Variants in PAPPA observed in about 807,000 individuals in gnomAD.
PAPPA encodes the protein pappalysin-1.
A neutral mutation model predicts 164.0 loss-of-function variants in PAPPA; 60 were observed. The observed-to-expected ratio is 0.37, with a 90% confidence interval of 0.30 to 0.45. The LOEUF (loss-of-function observed/expected upper bound fraction) is 0.45. PAPPA is among the 20% of genes least tolerant of loss of function. PAPPA has a pLI of 1.00. For synonymous variants in PAPPA, 875 were observed against 814.1 expected, an observed-to-expected ratio of 1.07 and a Z score of -1.27; for missense variants, 1,782 against 2,087.3, an observed-to-expected ratio of 0.85 and a Z score of 2.85.
At chr9:116,256,177 C>T (rs1844925446) in intron 7 of PAPPA, among the ~76,000 whole-genome samples, 1 of 151,826 alleles carries the variant, frequency 6.6e-6, no homozygotes, top group Non-Finnish European at 1.5e-5. Flanking sequence ...AACAAGGCAT[C>T]AAAATAAGGG....
chr9:116,395,363 A>C (rs1408234459), intron 21 of PAPPA, among the ~76,000 whole-genome samples: 1 of 152,214 alleles, frequency 6.6e-6, no homozygotes, highest in Non-Finnish European at 1.5e-5. Flanking sequence ...AGTACATGAG[A>C]GAGAAGGATA....
chr9:116,165,346 C>G (rs567184633), intron 1 of PAPPA, among the ~76,000 whole-genome samples: 1 of 152,306 alleles, frequency 6.6e-6, no homozygotes, highest in Admixed American at 6.5e-5. Context: ...CTCCACACTT[C>G]CGAAACAATC....
chr9:116,171,706 A>T lies in PAPPA; in HGVS notation c.416-15448A>T, dbSNP rs545805034. Among the ~76,000 whole-genome samples, 3 of 152,144 alleles carry T rather than the reference A, an allele frequency of 2.0e-5. No individual in the cohort carries two copies. The South Asian group carries it at 6.2e-4, about 32-fold the overall frequency. On this transcript the variant is annotated intron_variant, in intron 1 of 21. Coordinates refer to ENST00000328252, the MANE Select transcript of PAPPA (RefSeq NM_002581.5). ...CCTTTCCATCCTTCCGTCTGTCCTC[A>T]TGTCTGACTTTCTCTGTCTCCTTCC... is the stretch of plus-strand genomic sequence containing the variant.
intron 9 of PAPPA, among the ~76,000 whole-genome samples, chr9:116,281,313 C>T (rs887348130): frequency 3.9e-5 from 6 of 152,018 alleles, no homozygotes; most frequent in Admixed American, 2.6e-4. Context: ...AGAGACAGCG[C>T]GAGGAGTTAG....
chr9:116,234,691 A>C (rs1844638359), intron 6 of PAPPA, among the ~76,000 whole-genome samples: 1 of 152,224 alleles, frequency 6.6e-6, no homozygotes. Flanking sequence ...GCTGGCTTTT[A>C]CACTTCAAGT....
intron 1 of PAPPA, among the ~76,000 whole-genome samples, chr9:116,176,230 T>A (rs1217716456): frequency 6.6e-6 from 1 of 152,222 alleles, no homozygotes; most frequent in Admixed American, 6.5e-5. Flanking sequence ...GTCTACACAC[T>A]CAGAGATAGA....
chr9:116,162,315 G>A (rs1843677822), intron 1 of PAPPA, among the ~76,000 whole-genome samples: 1 of 152,146 alleles, frequency 6.6e-6, no homozygotes, highest in African/African-American at 2.4e-5. Context: ...CAGAAGTATT[G>A]TGACGATACA....
intron 2 of PAPPA, among the ~76,000 whole-genome samples, chr9:116,190,722 C>T (rs1308009192): frequency 2.0e-5 from 3 of 152,228 alleles, no homozygotes; most frequent in Non-Finnish European, 4.4e-5. Context: ...AGACACCTCA[C>T]AATCAGCAGA....
chr9:116,380,365 T>C (rs1159456582), intron 20 of PAPPA, among the ~76,000 whole-genome samples: 1 of 152,084 alleles, frequency 6.6e-6, no homozygotes, highest in Admixed American at 6.6e-5. Context: ...AAAGAACATA[T>C]AGGGTAGAGT....
chr9:116,369,269 C>A (rs1312620017), intron 19 of PAPPA, among the ~76,000 whole-genome samples: 1 of 152,134 alleles, frequency 6.6e-6, no homozygotes, highest in African/African-American at 2.4e-5. Context: ...TGCACAGATT[C>A]CCCCGAGTGC....
At chr9:116,266,231 C>A (rs140901253) in intron 8 of PAPPA, among the ~76,000 whole-genome samples, 1 of 152,126 alleles carries the variant, frequency 6.6e-6, no homozygotes, top group Admixed American at 6.5e-5. Flanking sequence ...ACAGAACTAC[C>A]CTTATGTACC....
intron 1 of PAPPA, among the ~76,000 whole-genome samples, chr9:116,172,882 T>C (rs1843789688): frequency 6.6e-6 from 1 of 152,196 alleles, no homozygotes; most frequent in Admixed American, 6.5e-5. Context: ...GTACTATGCA[T>C]TCCACGATGT....
At chr9:116,324,656 G>C (rs1055777565) in intron 10 of PAPPA, among the ~76,000 whole-genome samples, 1 of 152,176 alleles carries the variant, frequency 6.6e-6, no homozygotes, top group African/African-American at 2.4e-5. Context: ...TTCTGCCTGG[G>C]GAGTGAGTAA....
In PAPPA at chr9:116,235,425, C is replaced by G; in HGVS notation, c.2520C>G (p.Thr840=). 6.2e-7 allele frequency: 1 copy of G among 1,613,692 alleles called. No homozygotes were observed. The highest frequency in any genetic ancestry group is 1.3e-5 in the African/African-American group (1 of 74,982). The change falls in exon 7 of 22, where the codon ACC becomes ACG. Residue 840 remains threonine, a synonymous_variant. Transcript: ENST00000328252. ...PQNVFCDVPL[T]IRLWDVGEEV... is the part of the protein sequence containing the mutation. ...ATGTCTTCTGTGATGTCCCACTGAC[C>G]ATCAGACTCTGGGACGTGGGCGAGG...
intron 9 of PAPPA, among the ~76,000 whole-genome samples, chr9:116,289,067 T>A (rs1845381002): frequency 6.7e-6 from 1 of 149,536 alleles, no homozygotes; most frequent in Admixed American, 6.7e-5. Flanking sequence ...ATGCATGCCC[T>A]ATCAGAATGA....
Position 116,220,066 on chromosome 9 carries a change from G to C in PAPPA, c.2048G>C (p.Gly683Ala). ...GTTGCCCTCGCCCCCCAAGTTCTGG[G>C]CCACACAACGGACTCTGTGACACTG... The part of the protein sequence containing the change: ...APVALAPQVL[G>A]HTTDSVTLEW... The change falls in exon 5 of 22, where the codon GGC becomes GCC. Residue 683 changes from glycine to alanine, a missense_variant. Physicochemically the swap from Gly to Ala is moderately conservative, Grantham distance 60. Transcript: ENST00000328252. The C allele has an allele frequency of 6.2e-7, 1 of 1,614,112 alleles. No individual in the cohort carries two copies. The highest frequency in any genetic ancestry group is 8.5e-7 in the Non-Finnish European group (1 of 1,180,030).
At chr9:116,334,238 T>TAAAAAAA (rs397974030) in intron 12 of PAPPA, among the ~76,000 whole-genome samples, 1 of 108,974 alleles carries the variant, frequency 9.2e-6, no homozygotes, top group Non-Finnish European at 1.8e-5. Context: ...CTGGCTGCAT[T>TAAAAAAA]AAAAAAAAAA....
In PAPPA at chr9:116,362,598, G is replaced by A. The variant is rs1446521943; in HGVS notation, c.4354G>A (p.Gly1452Arg). The change falls in exon 18 of 22, where the codon GGG (glycine) becomes AGG (arginine). Residue 1452 changes from glycine to arginine, a missense_variant. Around this residue, in one of 2 missense-constraint regions of PAPPA, gnomAD observed 1,324 missense variants for 1,656.9 expected, o/e 0.80. Coordinates refer to ENST00000328252, the MANE Select transcript of PAPPA (RefSeq NM_002581.5). ...CEDSDASQGL[G>R]SNVIHCRKDG... ...CTGTTTCTCTGTTGTTCAGGGACTTGGGAGCAATGTCATTCATTGCCGGAA... is the reference window on the plus strand; with the variant it reads ...CTGTTTCTCTGTTGTTCAGGGACTTAGGAGCAATGTCATTCATTGCCGGAA... 1 of 1,613,390 alleles carries A rather than the reference G, an allele frequency of 6.2e-7. No individual in the cohort carries two copies. The highest frequency in any genetic ancestry group is 8.5e-7 in the Non-Finnish European group (1 of 1,179,686).
intron 1 of PAPPA, among the ~76,000 whole-genome samples, chr9:116,168,835 CTCTA>C (rs1843743382): frequency 1.3e-5 from 2 of 152,322 alleles, no homozygotes; most frequent in African/African-American, 4.8e-5. Context: ...ATTTATCACA[CTCTA>C]TTGTGATTTC....
Sources: allele counts gnomAD v4.1 joint callset (sites outside exome capture counted in the v4.1 genomes callset), GRCh38; gene constraint gnomAD v4.1.1; regional missense constraint gnomAD v4.1.1; transcripts MANE v1.5; gene names NCBI Gene and HGNC (gene_info 2026-07-23, HGNC 2026-07-21).